Variants in NOS1 observed in about 807,000 individuals in gnomAD.
NOS1 encodes nitric oxide synthase 1.
NOS1 carries 51 observed loss-of-function variants against 164.5 expected under a neutral mutation model. The observed-to-expected ratio is 0.31, with a 90% CI of 0.25 to 0.39. The LOEUF is 0.39. NOS1 is among the 10% of genes least tolerant of loss of function. The pLI is 1.00. For synonymous variants in NOS1, 719 were observed against 745.8 expected (o/e 0.96, Z 0.59); for missense variants, 1,362 against 1,885.6 (o/e 0.72, Z 5.14).
At chr12:117,277,756 C>T (rs1257632711) in intron 9 of NOS1, among the ~76,000 whole-genome samples, 1 of 152,100 alleles carries the variant, frequency 6.6e-6, no homozygotes, top group East Asian at 1.9e-4. Context: ...AGGTGGTGGT[C>T]CCCAGGCTGG....
chr12:117,334,554 C>T (rs1461184015), intron 1 of NOS1, among the ~76,000 whole-genome samples: 1 of 152,044 alleles, frequency 6.6e-6, no homozygotes, highest in Non-Finnish European at 1.5e-5. Flanking sequence ...CGCCACCACA[C>T]CTGGCTAATT....
chr12:117,294,044 T>TGCC (rs1377073291), intron 3 of NOS1, among the ~76,000 whole-genome samples: 1 of 152,156 alleles, frequency 6.6e-6, no homozygotes, highest in African/African-American at 2.4e-5. Context: ...CCTCTGATTG[T>TGCC]GCCCACAACC....
rs1592961080 is a variant in NOS1 at position 117,260,707 on chromosome 12, A to G, written c.2223-98T>C. 35 of 1,320,462 alleles carry G rather than the reference A, an allele frequency of 2.7e-5. No individual in the cohort carries two copies. In the East Asian group the frequency reaches 8.4e-4, roughly 32 times the overall value. The allele number at this position is 1,320,462 out of a possible 1,614,324, so 81.8% of individuals were successfully genotyped here. A position where few individuals can be genotyped will look rare whatever the true frequency, so the allele number is the denominator to read the frequency against. ...GTGCAAGAACCAGGATCCATGAAAT[A>G]TAACAGAAGAGAACTCTCTTGATCT... On this transcript the variant is annotated intron_variant, in intron 13 of 28. Coordinates refer to ENST00000317775, the MANE Select transcript of NOS1 (RefSeq NM_000620.5).
intron 9 of NOS1, among the ~76,000 whole-genome samples, chr12:117,276,177 G>T (rs1357668142): frequency 6.6e-6 from 1 of 152,116 alleles, no homozygotes; most frequent in East Asian, 1.9e-4. Flanking sequence ...TATCCTTCGA[G>T]TTACAAAGAA....
intron 22 of NOS1, among the ~76,000 whole-genome samples, chr12:117,229,831 C>T (rs559277299): frequency 6.6e-5 from 10 of 152,350 alleles, no homozygotes; most frequent in South Asian, 4.1e-4. Flanking sequence ...TCAGGTGATC[C>T]GCCTGCCTTG....
Position 117,280,851 on chromosome 12 carries a change from T to C in NOS1, c.1398A>G (p.Ile466Met), listed in dbSNP as rs1248031256. The change falls in exon 8 of 29, where the codon ATA (isoleucine) becomes ATG (methionine). Residue 466 changes from isoleucine to methionine, a missense_variant. Ile to Met is a conservative substitution (Grantham distance 10, BLOSUM62 1). Around this residue, in one of 4 missense-constraint regions of NOS1, gnomAD observed 134 missense variants for 267.3 expected, o/e 0.50. Coordinates refer to ENST00000317775, the MANE Select transcript of NOS1 (RefSeq NM_000620.5). ...NKGNLRSAIT[I>M]FPQRTDGKHD... ...GCTTGCCGTCTGTCCTCTGGGGGAA[T>C]ATGGTGATGGCAGACCTGTGGTGGA... 1.2e-6 allele frequency: 2 copies of C among 1,613,954 alleles called. No individual in the cohort carries two copies. The highest frequency in any genetic ancestry group is 1.7e-6 in the Non-Finnish European group (2 of 1,179,968).
At chr12:117,261,079 G>C (rs1478935602) in intron 13 of NOS1, among the ~76,000 whole-genome samples, 1 of 148,348 alleles carries the variant, frequency 6.7e-6, no homozygotes, top group African/African-American at 2.5e-5. Context: ...TAAGGCAAGA[G>C]AATTGCTTGA....
intron 3 of NOS1, among the ~76,000 whole-genome samples, chr12:117,295,301 CA>C (rs892313739): frequency 1.3e-5 from 2 of 151,996 alleles, no homozygotes; most frequent in African/African-American, 2.4e-5. Context: ...TTATTGAATG[CA>C]AAAATCAAAA....
chr12:117,261,068 CTAAGGCA>C (rs1871864176), intron 13 of NOS1, among the ~76,000 whole-genome samples: 1 of 150,480 alleles, frequency 6.6e-6, no homozygotes, highest in Non-Finnish European at 1.5e-5. Context: ...ACTTGGGAGG[CTAAGGCA>C]AGAGAATTGC....
rs9658532 is a variant in NOS1, at chr12:117,220,379, G to T, written c.3976-110C>A. ...GACTCAGGGGCTTGTGGGCAGGTAG[G>T]ATCTTTTGTGAGCTGATCCCAGGGA... On this transcript the variant is annotated intron_variant, in intron 26 of 28. Transcript: ENST00000317775. The T allele has an allele frequency of 1.6e-3, 1,671 of 1,042,876 alleles. 15 individuals carry two copies. In the African/African-American group the frequency reaches 0.023, roughly 15 times the overall value. 64.6% of individuals were successfully genotyped at this position (1,042,876 alleles called of 1,614,324 possible).
At chr12:117,284,996 G>A (rs1413961729) in intron 7 of NOS1, among the ~76,000 whole-genome samples, 1 of 150,672 alleles carries the variant, frequency 6.6e-6, no homozygotes, top group Non-Finnish European at 1.5e-5. Flanking sequence ...GTTGCAGTGA[G>A]CCGAGATCAT....
chr12:117,273,351 C>A (rs2135999415), intron 9 of NOS1, among the ~76,000 whole-genome samples: 1 of 152,192 alleles, frequency 6.6e-6, no homozygotes, highest in East Asian at 1.9e-4. Flanking sequence ...TACATTTCAC[C>A]AAGGAACTGG....
intron 17 of NOS1, among the ~76,000 whole-genome samples, chr12:117,249,321 G>A (rs1422128727): frequency 3.3e-5 from 5 of 152,098 alleles, no homozygotes; most frequent in Non-Finnish European, 7.3e-5. Flanking sequence ...TCTAAGTATC[G>A]CCATCATCAG....
At chr12:117,321,271 AAGTGCTGGGATTAC>A (rs1874905997) in intron 2 of NOS1, among the ~76,000 whole-genome samples, 1 of 152,010 alleles carries the variant, frequency 6.6e-6, no homozygotes. Context: ...CGGCCTCCCA[AAGTGCTGGGATTAC>A]AGGCGTGGGC....
At chr12:117,231,489 G>A (rs562731403) in intron 22 of NOS1, among the ~76,000 whole-genome samples, 2 of 152,184 alleles carry the variant, frequency 1.3e-5, no homozygotes, top group South Asian at 4.2e-4. Flanking sequence ...TTGCCCTGAT[G>A]TGATTATTAC....
rs534589281 is a variant in NOS1, at chr12:117,266,562, G to T, written c.1942-1052C>A. Among the ~76,000 whole-genome samples the T allele has an allele frequency of 2.0e-5, 3 of 148,244 alleles. No homozygotes were observed. In the South Asian group the frequency reaches 6.4e-4, roughly 32 times the overall value. On this transcript the variant is annotated intron_variant, in intron 11 of 28. Coordinates refer to ENST00000317775, the MANE Select transcript of NOS1 (RefSeq NM_000620.5). ...TTCTTTTCTTTTTTTTTTTGAGATA[G>T]GGTCTCACTCTGTCGCCCAGACTGG...
At chr12:117,253,096 C>A (rs1043356174) in intron 17 of NOS1, among the ~76,000 whole-genome samples, 1 of 152,168 alleles carries the variant, frequency 6.6e-6, no homozygotes, top group South Asian at 2.1e-4. Context: ...TTTGTCAAAT[C>A]TGACTGCACG....
intron 1 of NOS1, among the ~76,000 whole-genome samples, chr12:117,340,412 T>A (rs1876042193): frequency 6.6e-6 from 1 of 152,242 alleles, no homozygotes; most frequent in Non-Finnish European, 1.5e-5. Context: ...CGTGGGCAAG[T>A]TACTTACTCT....
At chr12:117,329,383 G>A (rs1875414564) in intron 2 of NOS1, among the ~76,000 whole-genome samples, 2 of 152,120 alleles carry the variant, frequency 1.3e-5, no homozygotes, top group African/African-American at 2.4e-5. Context: ...GTGCTCTGAG[G>A]ACACTTTGGG....
Sources: gnomAD v4.1 joint callset for allele counts (sites outside exome capture counted in the v4.1 genomes callset) on GRCh38, gnomAD v4.1.1 for gene constraint, gnomAD v4.1.1 regional missense constraint, MANE v1.5 for transcripts, NCBI Gene and HGNC (gene_info 2026-07-23, HGNC 2026-07-21) for gene names.